The following THSD7A variants were observed in gnomAD, a reference collection of about 807,000 sequenced individuals.
The protein encoded by THSD7A is thrombospondin type-1 domain-containing protein 7A.
In THSD7A, 96 loss-of-function variants were observed where a neutral mutation model predicts 231.3. The ratio of observed to expected loss-of-function variants is 0.41; its 90% CI spans 0.35 to 0.49. The LOEUF is 0.49. Ranked by LOEUF, THSD7A falls within the 20% of genes least tolerant of loss-of-function variation. THSD7A has a pLI of 0.05. For synonymous variants in THSD7A, 940 were observed against 743.3 expected (o/e 1.26, Z -4.30); for missense variants, 2,290 against 2,070.2 (o/e 1.11, Z -2.06).
chr7:11,668,125 A>G (rs1783219367), intron 1 of THSD7A, among the ~76,000 whole-genome samples: 1 of 113,618 alleles, frequency 8.8e-6, no homozygotes. Flanking sequence ...TGTGAAATCT[A>G]TTATTTTTTT....
chr7:11,603,078 G>C (rs928726005), intron 2 of THSD7A, among the ~76,000 whole-genome samples: 110 of 150,784 alleles, frequency 7.3e-4, no homozygotes, highest in African/African-American at 2.6e-3. Flanking sequence ...ACTACCATCA[G>C]AGTGAACAGG....
At position 11,568,647 on chromosome 7, in the gene THSD7A, AAAAAAAACC is replaced by A. The variant is rs1404447405; in HGVS notation, c.1453+21804_1453+21812del. ...CTCAAAAAAAAAAAAAAAAAAAAAAAAAAAAAACCAAAATCTGGAACAAGGTAAAGATGA... is the reference window on the plus strand; with the variant it reads ...CTCAAAAAAAAAAAAAAAAAAAAAAAAAAATCTGGAACAAGGTAAAGATGA... On this transcript the variant is annotated intron_variant, in intron 4 of 27. Coordinates refer to ENST00000423059, the MANE Select transcript of THSD7A (RefSeq NM_015204.3). 1.9e-4 allele frequency among the ~76,000 whole-genome samples: 27 copies of A among 145,526 alleles called. 1 individual carries two copies. The highest frequency in any genetic ancestry group is 2.4e-4 in the Non-Finnish European group (16 of 66,084).
intron 1 of THSD7A, among the ~76,000 whole-genome samples, chr7:11,746,657 G>C (rs529924425): frequency 1.3e-3 from 193 of 151,918 alleles, no homozygotes; most frequent in African/African-American, 4.4e-3. Context: ...ACCATATACA[G>C]AGTATATTAG....
intron 8 of THSD7A, among the ~76,000 whole-genome samples, chr7:11,473,995 C>T (rs1786045356): frequency 6.6e-6 from 1 of 152,154 alleles, no homozygotes. Context: ...GGATGACCTA[C>T]ACTGCCAGGA....
chr7:11,449,799 T>C (rs1785087119), intron 11 of THSD7A, among the ~76,000 whole-genome samples: 2 of 151,962 alleles, frequency 1.3e-5, no homozygotes, highest in African/African-American at 2.4e-5. Flanking sequence ...CGATGGTTCA[T>C]GGACAAAGTT....
At chr7:11,518,070 A>G (rs1035336886) in intron 6 of THSD7A, among the ~76,000 whole-genome samples, 3 of 152,122 alleles carry the variant, frequency 2.0e-5, no homozygotes, top group African/African-American at 7.2e-5. Context: ...GACCCTGCCC[A>G]CCTTATTTAA....
intron 6 of THSD7A, among the ~76,000 whole-genome samples, chr7:11,482,675 TAAGATA>T (rs1469411201): frequency 1.3e-5 from 2 of 152,162 alleles, no homozygotes; most frequent in Non-Finnish European, 2.9e-5. Context: ...CTGTTGCTCT[TAAGATA>T]AAGGGCAGAT....
At chr7:11,494,642 T>C (rs1004153030) in intron 6 of THSD7A, among the ~76,000 whole-genome samples, 2 of 152,030 alleles carry the variant, frequency 1.3e-5, no homozygotes, top group Admixed American at 1.3e-4. Flanking sequence ...TTTTATGGCA[T>C]TTGAAATACA....
intron 1 of THSD7A, among the ~76,000 whole-genome samples, chr7:11,768,794 TATG>T (rs1351902035): frequency 3.9e-5 from 6 of 152,080 alleles, no homozygotes; most frequent in East Asian, 3.9e-4. Context: ...TATCTAAGAA[TATG>T]ATATTTAAAT....
chr7:11,721,468 CTG>C (rs1781349684), intron 1 of THSD7A, among the ~76,000 whole-genome samples: 1 of 151,854 alleles, frequency 6.6e-6, no homozygotes, highest in South Asian at 2.1e-4. Context: ...TCTGCCATGA[CTG>C]TAAGTTTCCT....
At chr7:11,532,343 T>C (rs1406635662) in intron 6 of THSD7A, among the ~76,000 whole-genome samples, 1 of 152,156 alleles carries the variant, frequency 6.6e-6, no homozygotes, top group Non-Finnish European at 1.5e-5. Flanking sequence ...TTATGTAGTA[T>C]ACGTAGCTGG....
intron 23 of THSD7A, among the ~76,000 whole-genome samples, chr7:11,391,454 G>A (rs954797465): frequency 4.6e-5 from 7 of 151,622 alleles, no homozygotes; most frequent in South Asian, 2.1e-4. Flanking sequence ...TCCCCAGCTC[G>A]AGCATCTCAG....
intron 1 of THSD7A, among the ~76,000 whole-genome samples, chr7:11,769,153 A>ATTTTTTTTTTTTTTTTTTT (rs1227041855): frequency 6.5e-4 from 18 of 27,646 alleles, no homozygotes; most frequent in Non-Finnish European, 8.3e-4. Context: ...ATATATATAT[A>ATTTTTTTTTTTTTTTTTTT]TTTTTTTTTT....
intron 2 of THSD7A, among the ~76,000 whole-genome samples, chr7:11,599,555 A>AT: frequency 6.6e-6 from 1 of 152,328 alleles, no homozygotes; most frequent in Non-Finnish European, 1.5e-5. Context: ...TCATATCAGT[A>AT]TTTAAGTATT....
chr7:11,577,909 G>T (rs970276702), intron 4 of THSD7A, among the ~76,000 whole-genome samples: 1 of 152,028 alleles, frequency 6.6e-6, no homozygotes, highest in Non-Finnish European at 1.5e-5. Flanking sequence ...AGGAAAGGAA[G>T]CTGTAATTAT....
At chr7:11,500,678 A>G (rs1787294799) in intron 6 of THSD7A, among the ~76,000 whole-genome samples, 1 of 152,104 alleles carries the variant, frequency 6.6e-6, no homozygotes, top group South Asian at 2.1e-4. Context: ...AGTGGCTCAC[A>G]TCTGTAATCC....
chr7:11,607,291 T>C (rs1018593945), intron 2 of THSD7A, among the ~76,000 whole-genome samples: 5 of 152,110 alleles, frequency 3.3e-5, no homozygotes, highest in African/African-American at 4.8e-5. Flanking sequence ...CCGTTACTTA[T>C]AGCAAGACAG....
chr7:11,412,534 G>T, intron 18 of THSD7A, 122 bp downstream of exon 18: 1 of 1,163,580 alleles, frequency 8.6e-7, no homozygotes, highest in Non-Finnish European at 1.2e-6. Context: ...TTATTTCTGG[G>T]AAAGTAAGCA....
chr7:11,798,493 A>G (rs1162279336), intron 1 of THSD7A, among the ~76,000 whole-genome samples: 1 of 151,920 alleles, frequency 6.6e-6, no homozygotes, highest in Admixed American at 6.6e-5. Flanking sequence ...CAAAAAAAGA[A>G]AAAACAAAAA....
Sources: allele counts gnomAD v4.1 joint callset (sites outside exome capture counted in the v4.1 genomes callset), GRCh38; gene constraint gnomAD v4.1.1; transcripts MANE v1.5; gene names NCBI Gene and HGNC (gene_info 2026-07-23, HGNC 2026-07-21).